Variants in TBC1D5 observed in about 807,000 individuals in gnomAD.
TBC1D5 encodes TBC1 domain family member 5.
TBC1D5 carries 75 observed loss-of-function variants against 100.3 expected under a neutral mutation model. The observed-to-expected ratio is 0.75, with a 90% CI of 0.62 to 0.91. The LOEUF is 0.91. Among genes scored for constraint, TBC1D5 ranks in the 40% least tolerant of loss-of-function variants. The probability of loss-of-function intolerance (pLI) is 0.00; values close to 1 mark genes in which losing one functional copy is unlikely to be tolerated. For missense variants in TBC1D5, 910 were observed against 942.4 expected (o/e 0.97, Z 0.45); for synonymous variants, 323 against 325.6 (o/e 0.99, Z 0.09).
intron 1 of TBC1D5, among the ~76,000 whole-genome samples, chr3:17,709,627 C>A (rs868842377): frequency 7.8e-4 from 119 of 152,186 alleles, no homozygotes; most frequent in African/African-American, 2.6e-3. Context: ...ATAATGATTC[C>A]ACTGATAATG....
intron 18 of TBC1D5, among the ~76,000 whole-genome samples, chr3:17,186,545 C>T (rs1232312389): frequency 1.3e-5 from 2 of 151,166 alleles, no homozygotes; most frequent in Non-Finnish European, 3.0e-5. Context: ...CCCATCTCTA[C>T]TAAAAATGCA....
intron 15 of TBC1D5, among the ~76,000 whole-genome samples, chr3:17,276,237 G>T (rs941975210): frequency 2.6e-5 from 4 of 152,112 alleles, no homozygotes; most frequent in Non-Finnish European, 5.9e-5. Context: ...GCTTTGTGGG[G>T]TTTCTTTTAC....
At chr3:17,633,799 T>G (rs1294313283) in intron 1 of TBC1D5, among the ~76,000 whole-genome samples, 4 of 152,164 alleles carry the variant, frequency 2.6e-5, no homozygotes, top group Non-Finnish European at 4.4e-5. Flanking sequence ...GGAATTGATA[T>G]CAATCAACAA....
At chr3:17,284,875 C>G (rs968718759) in intron 15 of TBC1D5, among the ~76,000 whole-genome samples, 2 of 151,798 alleles carry the variant, frequency 1.3e-5, no homozygotes, top group Non-Finnish European at 1.5e-5. Flanking sequence ...TCACTAAATA[C>G]CTAAATATCA....
intron 1 of TBC1D5, among the ~76,000 whole-genome samples, chr3:17,643,856 T>A (rs966505355): frequency 4.6e-5 from 7 of 152,158 alleles, no homozygotes; most frequent in Non-Finnish European, 1.0e-4. Flanking sequence ...GATGCATATT[T>A]AAGGTTTTCC....
intron 2 of TBC1D5, among the ~76,000 whole-genome samples, chr3:17,607,610 C>G (rs972193454): frequency 6.6e-6 from 1 of 151,840 alleles, no homozygotes; most frequent in African/African-American, 2.4e-5. Context: ...GTCCCCTATT[C>G]AGCATAATTC....
At chr3:17,559,393 G>A (rs1378905457) in intron 2 of TBC1D5, among the ~76,000 whole-genome samples, 1 of 151,602 alleles carries the variant, frequency 6.6e-6, no homozygotes, top group Non-Finnish European at 1.5e-5. Flanking sequence ...TGCCCACCTC[G>A]GCCTCCCACC....
At chr3:17,450,004 G>GC (rs2094888614) in intron 3 of TBC1D5, among the ~76,000 whole-genome samples, 1 of 152,238 alleles carries the variant, frequency 6.6e-6, no homozygotes, top group South Asian at 2.1e-4. Context: ...TCTGGCAGAT[G>GC]CCCCTCTGGG....
intron 15 of TBC1D5, among the ~76,000 whole-genome samples, chr3:17,268,767 T>C (rs1270113215): frequency 6.6e-6 from 1 of 152,096 alleles, no homozygotes; most frequent in Non-Finnish European, 1.5e-5. Context: ...ATTTTTCCCA[T>C]CCAACTTCCC....
chr3:17,669,953 T>C (rs1174085933), intron 1 of TBC1D5, among the ~76,000 whole-genome samples: 1 of 152,226 alleles, frequency 6.6e-6, no homozygotes, highest in Non-Finnish European at 1.5e-5. Flanking sequence ...TGGCGCGATC[T>C]CGGCTCACTG....
At chr3:17,175,521 A>G (rs949320202) in intron 19 of TBC1D5, among the ~76,000 whole-genome samples, 1 of 152,344 alleles carries the variant, frequency 6.6e-6, no homozygotes, top group South Asian at 2.1e-4. Context: ...ACATATTTTT[A>G]AACTTGAAAG....
At chr3:17,345,306 G>C (rs1055055018) in intron 13 of TBC1D5, among the ~76,000 whole-genome samples, 2 of 152,102 alleles carry the variant, frequency 1.3e-5, no homozygotes, top group African/African-American at 4.8e-5. Context: ...GCAGCCAAAA[G>C]ACACATGAAA....
intron 3 of TBC1D5, among the ~76,000 whole-genome samples, chr3:17,484,492 G>GTGTGTGTGT (rs2095537142): frequency 3.4e-5 from 5 of 148,246 alleles, no homozygotes; most frequent in African/African-American, 1.3e-4. Context: ...GTGTGTGTTT[G>GTGTGTGTGT]GGTAACAATC....
chr3:17,506,436 T>C (rs1040135125), intron 3 of TBC1D5, among the ~76,000 whole-genome samples: 8 of 152,278 alleles, frequency 5.3e-5, no homozygotes, highest in Non-Finnish European at 1.0e-4. Context: ...GACAGCTGTT[T>C]TAGAGCATAC....
rs886909637 is a variant in TBC1D5, at chr3:17,291,834, C to A, written c.1245+61G>T. 2.5e-5 allele frequency: 36 copies of A among 1,451,016 alleles called. No homozygotes were observed. In the South Asian group the frequency reaches 4.0e-4, roughly 16 times the overall value. The allele number at this position is 1,451,016 out of a possible 1,614,324, so 89.9% of individuals were successfully genotyped here. On this transcript the variant is annotated intron_variant, in intron 15 of 21. Transcript: ENST00000253692. The stretch of plus-strand genomic sequence containing the variant: ...CCACATTTGGAATTCTTAGACTCTA[C>A]ACAGAGAAGCCTATTTTTCACCCAA...
chr3:17,737,623 T>C (rs2077058559), intron 1 of TBC1D5, among the ~76,000 whole-genome samples: 2 of 152,172 alleles, frequency 1.3e-5, no homozygotes, highest in African/African-American at 4.8e-5. Context: ...CAGAATTTTC[T>C]TTAGACATAC....
intron 1 of TBC1D5, among the ~76,000 whole-genome samples, chr3:17,669,267 C>T (rs1263319922): frequency 6.6e-6 from 1 of 152,132 alleles, no homozygotes; most frequent in Non-Finnish European, 1.5e-5. Context: ...TGAGGCCTTC[C>T]CAGCCCTGTG....
Position 17,308,174 on chromosome 3 carries a change from T to C in TBC1D5, c.996-40A>G, listed in dbSNP as rs369516147. ...AACAAAAATTCAGAAGACAGTACTT[T>C]TGAGAATAAAGAGTGATCATTTTCT... is the stretch of plus-strand genomic sequence containing the variant. On this transcript the variant is annotated intron_variant, in intron 13 of 21. Transcript: ENST00000253692. 37 of 1,543,494 alleles carry C rather than the reference T, an allele frequency of 2.4e-5. No homozygotes were observed. In the East Asian group the frequency reaches 2.6e-4, roughly 11 times the overall value.
At chr3:17,230,071 G>T (rs768256801) in intron 17 of TBC1D5, among the ~76,000 whole-genome samples, 1 of 152,044 alleles carries the variant, frequency 6.6e-6, no homozygotes, top group African/African-American at 2.4e-5. Context: ...TGTGCTTCAG[G>T]TCTATCACAT....
Sources: allele counts gnomAD v4.1 joint callset (sites outside exome capture counted in the v4.1 genomes callset), GRCh38; gene constraint gnomAD v4.1.1; transcripts MANE v1.5; gene names NCBI Gene and HGNC (gene_info 2026-07-23, HGNC 2026-07-21).